Variants in ANO4 observed in about 807,000 individuals in gnomAD.
ANO4 encodes anoctamin-4.
A neutral mutation model predicts 141.9 loss-of-function variants in ANO4; 69 were observed. That is an observed-to-expected ratio of 0.49 (90% CI 0.40 to 0.59). ANO4 has a LOEUF of 0.59. Ranked by LOEUF, ANO4 falls within the 20% of genes least tolerant of loss-of-function variation. The probability of loss-of-function intolerance (pLI) is 0.00; values close to 1 mark genes in which losing one functional copy is unlikely to be tolerated. For synonymous variants in ANO4, 350 were observed against 394.3 expected (o/e 0.89, Z 1.33); for missense variants, 894 against 1,162.2 (o/e 0.77, Z 3.36).
At chr12:100,992,971 C>T (rs577093588) in intron 8 of ANO4, among the ~76,000 whole-genome samples, 1 of 152,278 alleles carries the variant, frequency 6.6e-6, no homozygotes, top group Admixed American at 6.5e-5. Context: ...GTGGGAGGAT[C>T]ACTTGAGCTC....
At chr12:100,993,937 G>A (rs547237576) in intron 8 of ANO4, among the ~76,000 whole-genome samples, 35 of 152,156 alleles carry the variant, frequency 2.3e-4, no homozygotes, top group Non-Finnish European at 4.6e-4. Context: ...TAAGCATTAC[G>A]CTCTATTGTG....
chr12:100,870,269 CA>C (rs958770612), intron 1 of ANO4, among the ~76,000 whole-genome samples: 25 of 152,262 alleles, frequency 1.6e-4, no homozygotes, highest in Middle Eastern at 6.8e-3. Context: ...AATTGTATTT[CA>C]AAGGTAAACC....
At position 101,121,507 on chromosome 12, in the gene ANO4, A is replaced by T. The variant is rs1331512558; in HGVS notation, c.2676+882A>T. 3.3e-5 allele frequency among the ~76,000 whole-genome samples: 5 copies of T among 152,124 alleles called. No individual in the cohort carries two copies. The East Asian group carries it at 9.7e-4, about 29-fold the overall frequency. On this transcript the variant is annotated intron_variant, in intron 26 of 27. Coordinates refer to ENST00000392977, the MANE Select transcript of ANO4 (RefSeq NM_001286615.2). ...ATTGATGGGCACCCAGGTTGATTCC[A>T]TGTCTTTGCTATTGTGAATAGTCCT...
At chr12:101,042,303 G>C in intron 11 of ANO4, 31 bp from the exon 12 acceptor site, 1 of 1,613,680 alleles carries the variant, frequency 6.2e-7, no homozygotes. Context: ...ACACTGCACT[G>C]TAATTTGCAA....
chr12:100,978,343 C>T (rs1255519897), intron 7 of ANO4, among the ~76,000 whole-genome samples: 3 of 152,206 alleles, frequency 2.0e-5, no homozygotes, highest in East Asian at 3.9e-4. Context: ...AAAACATTTG[C>T]TCAAACAGTG....
rs541821270 is a variant in ANO4 at position 101,105,321 on chromosome 12, C to T, written c.2150-5083C>T. ...TGGTAGAAAAGAACATCACTGAAAG[C>T]GGAGTATCACAAATTTGTTCCTAAA... On this transcript the variant is annotated intron_variant, in intron 22 of 27. Coordinates refer to ENST00000392977, the MANE Select transcript of ANO4 (RefSeq NM_001286615.2). Among the ~76,000 whole-genome samples the T allele has an allele frequency of 4.6e-5, 7 of 152,264 alleles. No individual in the cohort carries two copies. The South Asian group carries it at 1.0e-3, about 23-fold the overall frequency.
At chr12:100,907,440 T>C (rs1216889299) in intron 2 of ANO4, among the ~76,000 whole-genome samples, 1 of 152,212 alleles carries the variant, frequency 6.6e-6, no homozygotes, top group Non-Finnish European at 1.5e-5. Context: ...ATTCCCCTAC[T>C]TCCCCGTGCT....
intron 3 of ANO4, among the ~76,000 whole-genome samples, chr12:100,782,134 T>C (rs1041373859): frequency 6.6e-6 from 1 of 152,206 alleles, no homozygotes; most frequent in Non-Finnish European, 1.5e-5. Context: ...ACCTTTCTTA[T>C]TCATTGCCTT....
intron 5 of ANO4, among the ~76,000 whole-genome samples, chr12:100,945,843 T>C (rs1027031415): frequency 6.6e-6 from 1 of 152,096 alleles, no homozygotes; most frequent in Non-Finnish European, 1.5e-5. Flanking sequence ...ATTCAAAAAA[T>C]ATTTATTGCA....
rs180856560 is a variant in ANO4 at position 100,815,674 on chromosome 12, C to T, written c.-141+20647C>T. Among the ~76,000 whole-genome samples the T allele has an allele frequency of 5.5e-3, 832 of 151,966 alleles. 7 individuals carry two copies. The highest frequency in any genetic ancestry group is 7.3e-3 in the Non-Finnish European group (499 of 67,944). The stretch of plus-strand genomic sequence containing the variant: ...TTCTCTAGAATACAATTCAGATTTA[C>T]CAGCCTTCAAATAATATTATTTTAG... On this transcript the variant is annotated intron_variant, in intron 1 of 27. Coordinates refer to ENST00000392977, the MANE Select transcript of ANO4 (RefSeq NM_001286615.2).
intron 14 of ANO4, among the ~76,000 whole-genome samples, chr12:101,061,893 A>G (rs2048362356): frequency 6.6e-6 from 1 of 151,898 alleles, no homozygotes; most frequent in Non-Finnish European, 1.5e-5. Flanking sequence ...AATTCGTCAA[A>G]CTCATTCTCC....
intron 1 of ANO4, among the ~76,000 whole-genome samples, chr12:100,795,411 G>A (rs2034245754): frequency 6.6e-6 from 1 of 152,186 alleles, no homozygotes; most frequent in South Asian, 2.1e-4. Flanking sequence ...CAGAAGGGCC[G>A]GGGGTGACCT....
At chr12:100,877,491 G>A (rs183898728) in intron 1 of ANO4, among the ~76,000 whole-genome samples, 146 of 151,540 alleles carry the variant, frequency 9.6e-4, no homozygotes, top group Non-Finnish European at 1.4e-3. Flanking sequence ...TTTGGGGTTG[G>A]TTCTAGACCA....
intron 13 of ANO4, among the ~76,000 whole-genome samples, chr12:101,044,047 G>C (rs1052803560): frequency 6.6e-6 from 1 of 152,142 alleles, no homozygotes; most frequent in African/African-American, 2.4e-5. Flanking sequence ...ATAGTGCTTG[G>C]TAAATAGACC....
At chr12:100,815,996 T>G (rs1366442094) in intron 1 of ANO4, among the ~76,000 whole-genome samples, 2 of 152,136 alleles carry the variant, frequency 1.3e-5, no homozygotes, top group African/African-American at 2.4e-5. Flanking sequence ...GATAAACTTT[T>G]AAAGACAATG....
At chr12:100,851,352 C>G (rs2037862438) in intron 1 of ANO4, among the ~76,000 whole-genome samples, 2 of 151,956 alleles carry the variant, frequency 1.3e-5, no homozygotes, top group Non-Finnish European at 2.9e-5. Context: ...AATATCTATC[C>G]CTGCCTATCC....
At chr12:100,827,438 A>G (rs1275125512) in intron 1 of ANO4, among the ~76,000 whole-genome samples, 2 of 151,934 alleles carry the variant, frequency 1.3e-5, no homozygotes, top group Non-Finnish European at 2.9e-5. Flanking sequence ...CCCCCATAAC[A>G]GCTTATATTT....
At chr12:100,927,167 G>A (rs1364343555) in intron 3 of ANO4, among the ~76,000 whole-genome samples, 3 of 152,118 alleles carry the variant, frequency 2.0e-5, no homozygotes, top group African/African-American at 7.2e-5. Flanking sequence ...CTTTCTAAAT[G>A]TTCTGCTCTT....
At chr12:101,105,844 G>T (rs1414663958) in intron 22 of ANO4, among the ~76,000 whole-genome samples, 1 of 152,208 alleles carries the variant, frequency 6.6e-6, no homozygotes, top group African/African-American at 2.4e-5. Context: ...ATTGAGGCTG[G>T]GTACGGTGGC....
Sources: gnomAD v4.1 joint callset for allele counts (sites outside exome capture counted in the v4.1 genomes callset) on GRCh38, gnomAD v4.1.1 for gene constraint, MANE v1.5 for transcripts, NCBI Gene and HGNC (gene_info 2026-07-23, HGNC 2026-07-21) for gene names.